Variants in NLRP14 observed in about 807,000 individuals in gnomAD.
The protein encoded by NLRP14 is NACHT, LRR and PYD domains-containing protein 14.
NLRP14 carries 105 observed loss-of-function variants against 94.7 expected under a neutral mutation model. The observed-to-expected ratio is 1.11, with a 90% CI of 0.95 to 1.30. NLRP14 has a LOEUF of 1.30. Among genes scored for constraint, NLRP14 ranks in the 50% most tolerant of loss-of-function variants. NLRP14 has a pLI of 0.00. For missense variants in NLRP14, 1,362 were observed against 1,254.1 expected (o/e 1.09, Z -1.30); for synonymous variants, 508 against 459.9 (o/e 1.10, Z -1.34).
At position 7,046,738 on chromosome 11, in the gene NLRP14, G is replaced by C. The variant is rs778651880; in HGVS notation, c.2029G>C (p.Glu677Gln). The change falls in exon 5 of 12, where the codon GAA becomes CAA. Residue 677 changes from glutamate (E) to glutamine (Q), a missense_variant. Coordinates refer to ENST00000299481, the MANE Select transcript of NLRP14 (RefSeq NM_176822.4). Reference protein sequence around the residue: ...SVLHTNEHLRELDLYHSNLDK... With the variant: ...SVLHTNEHLRQLDLYHSNLDK... ...GCTTCATACAAATGAACACTTGAGA[G>C]AATTGGACCTGTACCATAGCAACCT... 1 of 1,613,434 alleles carries C rather than the reference G, an allele frequency of 6.2e-7. No homozygotes were observed. Among genetic ancestry groups the C allele is most frequent in the Non-Finnish European group, 8.5e-7 (1 of 1,179,340 alleles).
the NLRP14 span, among the ~76,000 whole-genome samples, chr11:7,078,609 G>A: frequency 6.6e-6 from 1 of 151,674 alleles, no homozygotes; most frequent in Non-Finnish European, 1.5e-5. Flanking sequence ...GGCTAACATG[G>A]TGAAACCCCG....
rs371592361 is a variant in NLRP14, at chr11:7,052,998, C to T, written c.2291+3160C>T. ...TAATAAACCATGATATATATGTATA[C>T]ACAGCTTCATAATCATACCAAAAAA... On this transcript the variant is annotated intron_variant, in intron 6 of 11. Coordinates refer to ENST00000299481, the MANE Select transcript of NLRP14 (RefSeq NM_176822.4). Among the ~76,000 whole-genome samples the T allele has an allele frequency of 5.3e-5, 8 of 152,232 alleles. No homozygotes were observed. The East Asian group carries it at 1.4e-3, about 26-fold the overall frequency.
At chr11:7,076,250 T>A (rs1242344506), downstream of NLRP14, among the ~76,000 whole-genome samples, 1 of 152,190 alleles carries the variant, frequency 6.6e-6, no homozygotes, top group East Asian at 1.9e-4. Flanking sequence ...CATGCTAAAC[T>A]CAGCTCTGGG....
At chr11:7,037,022 T>G (rs1852171707) in intron 1 of NLRP14, among the ~76,000 whole-genome samples, 1 of 152,148 alleles carries the variant, frequency 6.6e-6, no homozygotes, top group Admixed American at 6.5e-5. Context: ...CCCTCATTTG[T>G]TACAGGAAAG....
intron 11 of NLRP14, among the ~76,000 whole-genome samples, chr11:7,070,880 A>G (rs1274739815): frequency 6.6e-6 from 1 of 152,188 alleles, no homozygotes; most frequent in African/African-American, 2.4e-5. Flanking sequence ...TTTTATTATT[A>G]TCAGTAGTAA....
the NLRP14 span, chr11:7,089,588 G>C: frequency 1.7e-6 from 2 of 1,184,286 alleles, no homozygotes; most frequent in East Asian, 8.1e-5. Context: ...CGCCGCGCAG[G>C]GTCGGCCCAC....
rs370958264 is a variant in NLRP14 at position 7,043,337 on chromosome 11, T to C, written c.1311T>C (p.Thr437=). 6.8e-6 allele frequency: 11 copies of C among 1,614,188 alleles called. No homozygotes were observed. In the African/African-American group the frequency reaches 1.5e-4, roughly 22 times the overall value. Residue 437 remains threonine (T), a synonymous_variant, in exon 4 of 12, where the codon ACT becomes ACC. Transcript: ENST00000299481. The part of the protein sequence containing the change: ...LCQVAAKGIW[T]MTYVFYRENL... ...AAGTCGCTGCCAAAGGAATATGGAC[T>C]ATGACTTACGTGTTTTACAGAGAAA...
At chr11:7,027,683 T>G (rs74693646) in intron 1 of NLRP14, among the ~76,000 whole-genome samples, 5,316 of 152,228 alleles carry the variant, frequency 0.035, 146 homozygotes, top group East Asian at 0.13. Flanking sequence ...TTTTTCTCCT[T>G]CCAGTCTTTT....
intron 1 of NLRP14, among the ~76,000 whole-genome samples, chr11:7,023,233 T>C (rs1851969388): frequency 6.7e-6 from 1 of 149,868 alleles, no homozygotes; most frequent in Non-Finnish European, 1.5e-5. Flanking sequence ...TATACACATA[T>C]AAAATTTTAA....
chr11:7,062,564 G>A, intron 10 of NLRP14, 61 bp downstream of exon 10: 3 of 1,408,622 alleles, frequency 2.1e-6, no homozygotes, highest in Non-Finnish European at 3.0e-6. Flanking sequence ...ATAGCTAGAA[G>A]ATATTTAGTG....
In NLRP14 at chr11:7,043,911, C is replaced by G. The variant is rs189202448; in HGVS notation, c.1885C>G (p.Arg629Gly). Residue 629 changes from arginine (R) to glycine (G), a missense_variant, in exon 4 of 12, where the codon CGG becomes GGG. By Grantham distance (125) the Arg-to-Gly change is moderately radical. Coordinates refer to ENST00000299481, the MANE Select transcript of NLRP14 (RefSeq NM_176822.4). ...CTGCCTTAAGCACTGCCGGTGTTTG[C>G]GGACCATCAGGCTGTCTGTAACTGT... Reference protein sequence around the residue: ...SFCLKHCRCLRTIRLSVTVVF... With the variant: ...SFCLKHCRCLGTIRLSVTVVF... The G allele has an allele frequency of 6.8e-6, 11 of 1,613,992 alleles. No individual in the cohort carries two copies. The Admixed American group carries it at 1.8e-4, about 27-fold the overall frequency.
At chr11:7,023,552 T>TA (rs1851975081) in intron 1 of NLRP14, among the ~76,000 whole-genome samples, 1 of 144,650 alleles carries the variant, frequency 6.9e-6, no homozygotes, top group East Asian at 2.0e-4. Context: ...TTAATATATT[T>TA]TATTTATATT....
intron 1 of NLRP14, among the ~76,000 whole-genome samples, chr11:7,022,734 C>T (rs1851964376): frequency 6.6e-6 from 1 of 152,104 alleles, no homozygotes; most frequent in Non-Finnish European, 1.5e-5. Context: ...AATAGATACC[C>T]AACTAGAATT....
rs1347924059 is a variant in NLRP14 at position 7,049,832 on chromosome 11, C to G, written c.2285C>G (p.Thr762Ser). The change falls in exon 6 of 12, where the codon ACT (threonine) becomes AGT (serine). Residue 762 changes from threonine (T) to serine (S), a missense_variant. Coordinates refer to ENST00000299481, the MANE Select transcript of NLRP14 (RefSeq NM_176822.4). ...AAACACCCAGAGTGTAAACTACAGA[C>G]TCTCAGGTAAGCTTTGAATTGTTTT... ...ALKHPECKLQ[T>S]LRLESCNLTV... The G allele has an allele frequency of 3.1e-6, 5 of 1,611,594 alleles. No individual in the cohort carries two copies. In the Admixed American group the frequency reaches 8.3e-5, roughly 27 times the overall value.
the NLRP14 span, among the ~76,000 whole-genome samples, chr11:7,088,430 A>G: frequency 3.3e-5 from 5 of 152,188 alleles, no homozygotes; most frequent in Admixed American, 3.3e-4. Flanking sequence ...CTTAAATATA[A>G]CAATTAGAAG....
At chr11:7,021,198 C>T (rs972991645) in intron 1 of NLRP14, among the ~76,000 whole-genome samples, 3 of 152,168 alleles carry the variant, frequency 2.0e-5, no homozygotes, top group African/African-American at 7.2e-5. Flanking sequence ...TAAGCATCAG[C>T]TTAATAGGCG....
At chr11:7,060,879 G>T (rs79346143) in intron 9 of NLRP14, among the ~76,000 whole-genome samples, 4,713 of 152,112 alleles carry the variant, frequency 0.031, 97 homozygotes, top group Middle Eastern at 0.068. Flanking sequence ...GAAATACATT[G>T]AAATACTTAT....
intron 10 of NLRP14, among the ~76,000 whole-genome samples, chr11:7,066,081 G>T (rs193027213): frequency 2.0e-5 from 3 of 152,122 alleles, no homozygotes. Flanking sequence ...GTGTATATGT[G>T]CCACATTTTC....
intron 1 of NLRP14, among the ~76,000 whole-genome samples, chr11:7,022,934 G>A (rs1851966793): frequency 6.6e-6 from 1 of 152,064 alleles, no homozygotes. Context: ...CGTATACAAT[G>A]TCTGATAATT....
Sources: gnomAD v4.1 joint callset for allele counts (sites outside exome capture counted in the v4.1 genomes callset) on GRCh38, gnomAD v4.1.1 for gene constraint, MANE v1.5 for transcripts, NCBI Gene and HGNC (gene_info 2026-07-23, HGNC 2026-07-21) for gene names.